Variants in COL18A1 observed in about 807,000 individuals in gnomAD.
COL18A1 encodes collagen alpha-1(XVIII) chain.
COL18A1 carries 133 observed loss-of-function variants against 168.0 expected under a neutral mutation model. That is an observed-to-expected ratio of 0.79 (90% CI 0.69 to 0.91). COL18A1 has a LOEUF of 0.91. Ranked by LOEUF, COL18A1 falls within the 40% of genes least tolerant of loss-of-function variation. The pLI is 0.00. For missense variants in COL18A1, 2,126 were observed against 1,925.4 expected (o/e 1.10, Z -1.95); for synonymous variants, 949 against 809.0 (o/e 1.17, Z -2.94).
At chr21:45,500,398 A>T in intron 32 of COL18A1, among the ~76,000 whole-genome samples, 1 of 70,462 alleles carries the variant, frequency 1.4e-5, no homozygotes, top group Non-Finnish European at 2.6e-5. Context: ...GAGTGTGTGT[A>T]TGTGGGTGTT....
At chr21:45,408,693 T>A (rs1341611371) in intron 2 of COL18A1, 1 of 151,304 alleles carries the variant, frequency 6.6e-6, no homozygotes, top group Middle Eastern at 3.5e-3. Flanking sequence ...TGCAGGCAGC[T>A]CGGAGAGAGG....
In COL18A1 at chr21:45,490,268, C is replaced by T. The variant is rs775953661; in HGVS notation, c.1960-7C>T. 12 of 1,577,452 alleles carry T rather than the reference C, an allele frequency of 7.6e-6. No individual in the cohort carries two copies. Among genetic ancestry groups the T allele is most frequent in the Non-Finnish European group, 9.5e-6 (11 of 1,162,392 alleles). ...AATGCCCTGCGTCCTCCATGTGACCCTTTCAGGGAGAAGTTGGAGCAGATG... is the reference window on the plus strand; with the variant it reads ...AATGCCCTGCGTCCTCCATGTGACCTTTTCAGGGAGAAGTTGGAGCAGATG... On this transcript the variant is annotated splice_polypyrimidine_tract_variant and splice_region_variant and intron_variant, in intron 19 of 41. Coordinates refer to ENST00000651438, the MANE Select transcript of COL18A1 (RefSeq NM_001379500.1).
At chr21:45,460,184 C>G (rs1028270645) in intron 2 of COL18A1, among the ~76,000 whole-genome samples, 5 of 152,242 alleles carry the variant, frequency 3.3e-5, no homozygotes, top group African/African-American at 9.6e-5. Flanking sequence ...GCAGCAGATG[C>G]AGGACAAGCA....
At chr21:45,464,556 A>G (rs1236285546) in intron 2 of COL18A1, among the ~76,000 whole-genome samples, 1 of 152,026 alleles carries the variant, frequency 6.6e-6, no homozygotes, top group African/African-American at 2.4e-5. Context: ...TTAAACCAAC[A>G]CAGCTGTCTT....
intron 17 of COL18A1, 59 bp downstream of exon 17, chr21:45,487,568 A>G (rs1568917904): frequency 1.3e-6 from 2 of 1,599,188 alleles, no homozygotes; most frequent in Non-Finnish European, 1.7e-6. Context: ...TGCCTGGGGC[A>G]GGAGAGTGTC....
At chr21:45,504,394 T>C (rs1568940436) in intron 33 of COL18A1, 22 bp from the exon 34 acceptor site, 3 of 1,608,548 alleles carry the variant, frequency 1.9e-6, no homozygotes, top group Non-Finnish European at 2.5e-6. Context: ...GGCTCCCGTG[T>C]AACAAGTGTT....
At chr21:45,511,525 A>T (rs1187148845) in intron 41 of COL18A1, among the ~76,000 whole-genome samples, 2 of 152,218 alleles carry the variant, frequency 1.3e-5, no homozygotes, top group East Asian at 3.9e-4. Flanking sequence ...GTGGTCAGCC[A>T]TGTAAGCAGC....
Position 45,505,251 on chromosome 21 carries a change from C to A in COL18A1, c.2986C>A (p.Pro996Thr), listed in dbSNP as rs1299085321. The change falls in exon 35 of 42, where the codon CCT (proline) becomes ACT (threonine). Residue 996 changes from proline (P) to threonine (T), a missense_variant. Transcript: ENST00000651438. ...CGGCCCCCCAGGCCCCCCAGGGCCCCCTTCATTTCCTGGCCCTCACAGGCA... is the reference window on the plus strand; with the variant it reads ...CGGCCCCCCAGGCCCCCCAGGGCCCACTTCATTTCCTGGCCCTCACAGGCA... The part of the protein sequence containing the change: ...PPGPPGPPGP[P>T]SFPGPHRQTI... 4.4e-6 allele frequency: 7 copies of A among 1,606,106 alleles called. No individual in the cohort carries two copies. Among genetic ancestry groups the A allele is most frequent in the Non-Finnish European group, 6.0e-6 (7 of 1,175,152 alleles).
Position 45,405,448 on chromosome 21 carries a change from G to T in COL18A1, c.81G>T (p.Gly27=). Residue 27 remains glycine, a synonymous_variant, in exon 2 of 42, where the codon GGG becomes GGT. Coordinates refer to ENST00000651438, the MANE Select transcript of COL18A1 (RefSeq NM_001379500.1). ...DVLAPLVLLL[G]VRAASAEPER... The stretch of plus-strand genomic sequence containing the variant: ...TCGCGCCCCTGGTCCTGCTGCTCGG[G>T]GTCCGCGCGGCCTCCGCGGAGCCAG... 2.2e-6 allele frequency: 3 copies of T among 1,381,404 alleles called. No homozygotes were observed. The highest frequency in any genetic ancestry group is 5.1e-5 in the Admixed American group (2 of 38,904). The allele number at this position is 1,381,404 out of a possible 1,614,324, so 85.6% of individuals were successfully genotyped here. A position where few individuals can be genotyped will look rare whatever the true frequency, so the allele number is the denominator to read the frequency against.
chr21:45,405,240 A>G lies in COL18A1; in HGVS notation c.10A>G (p.Arg4Gly), dbSNP rs1156421751. The G allele has an allele frequency of 5.6e-5, 6 of 106,710 alleles. No homozygotes were observed. Among genetic ancestry groups the G allele is most frequent in the Non-Finnish European group, 7.2e-5 (5 of 69,062 alleles). The allele number at this position is 106,710 out of a possible 1,614,324, so 6.6% of individuals were successfully genotyped here. A position where few individuals can be genotyped will look rare whatever the true frequency, so the allele number is the denominator to read the frequency against. ...CGGTCCTGGGGAGAGCATGGCGCCG[A>G]GGTGAGGCCGGGGCTGCGGGCAGGG... is the stretch of plus-strand genomic sequence containing the variant. The part of the protein sequence containing the change: MAP[R>G]CPWPWPRRRR... Residue 4 changes from arginine to glycine, a missense_variant and splice_region_variant, in exon 1 of 42, where the codon AGG (arginine) becomes GGG (glycine). Transcript: ENST00000651438.
chr21:45,491,361 C>G (rs767809109), intron 22 of COL18A1, 47 bp downstream of exon 22: 1 of 1,215,048 alleles, frequency 8.2e-7, no homozygotes, highest in Non-Finnish European at 1.2e-6. Flanking sequence ...AGACCCCCCA[C>G]GGGGTGCAGA....
intron 2 of COL18A1, among the ~76,000 whole-genome samples, chr21:45,432,454 G>A (rs2145786366): frequency 6.6e-6 from 1 of 152,350 alleles, no homozygotes; most frequent in Non-Finnish European, 1.5e-5. Flanking sequence ...GAGTGGGATG[G>A]ACTGGGGTGC....
chr21:45,468,294 C>T lies in COL18A1; in HGVS notation c.159C>T (p.Pro53=), dbSNP rs755932642. 6.2e-7 allele frequency: 1 copy of T among 1,613,296 alleles called. No individual in the cohort carries two copies. The highest frequency in any genetic ancestry group is 8.5e-7 in the Non-Finnish European group (1 of 1,180,036). ...TGCAGCTCCTTGGGGACCCCCCGCC[C>T]CAGCAGGTCACCCAGACGGATGACC... is the stretch of plus-strand genomic sequence containing the variant. ...GLLQLLGDPP[P]QQVTQTDDPD... The change falls in exon 3 of 42, where the codon CCC becomes CCT. Residue 53 remains proline (P), a synonymous_variant. Transcript: ENST00000651438.
rs149211568 is a variant in COL18A1 at position 45,463,553 on chromosome 21, A to G, written c.107-4689A>G. On this transcript the variant is annotated intron_variant, in intron 2 of 41. Transcript: ENST00000651438. This position sits in a 1 kb window ranked among gnomAD's most constrained non-coding sequence, Gnocchi z 4.0. ...GGATTCCTGGCGCTTTCCATCTGCC[A>G]TTTACCAGAGTACTCCAGAATCATT... 6.6e-5 allele frequency among the ~76,000 whole-genome samples: 10 copies of G among 152,312 alleles called. No homozygotes were observed. Among genetic ancestry groups the G allele is most frequent in the East Asian group, 3.9e-4 (2 of 5,194 alleles).
chr21:45,431,216 C>T (rs910831589), intron 2 of COL18A1, among the ~76,000 whole-genome samples: 3 of 152,174 alleles, frequency 2.0e-5, no homozygotes, highest in Admixed American at 6.5e-5. Context: ...CAGGGTGTCC[C>T]ACCCCTTCTG....
chr21:45,425,911 C>T lies in COL18A1; in HGVS notation c.106+20438C>T, dbSNP rs896141502. 6.6e-6 allele frequency among the ~76,000 whole-genome samples: 1 copy of T among 152,140 alleles called. No individual in the cohort carries two copies. The highest frequency in any genetic ancestry group is 1.5e-5 in the Non-Finnish European group (1 of 68,020). ...CGGCTGTCCTTCTTGCCCAAAGCAC[C>T]GTGAGGCCTCATCCCTGCATCCCTG... On this transcript the variant is annotated intron_variant, in intron 2 of 41. Transcript: ENST00000651438. This position sits in a 1 kb window ranked among gnomAD's most constrained non-coding sequence, Gnocchi z 4.1.
intron 9 of COL18A1, among the ~76,000 whole-genome samples, chr21:45,479,601 C>T (rs971208033): frequency 3.6e-5 from 5 of 140,736 alleles, no homozygotes; most frequent in African/African-American, 1.4e-4. Flanking sequence ...ACCATGCATA[C>T]CACACACACA....
Position 45,405,168 on chromosome 21 carries a change from C to A in COL18A1, c.-63C>A, listed in dbSNP as rs1338779647. On this transcript the variant is annotated 5_prime_UTR_variant, in exon 1 of 42. Coordinates refer to ENST00000651438, the MANE Select transcript of COL18A1 (RefSeq NM_001379500.1). Reference sequence around the variant, plus strand: ...GCGGCGGCGGCTGCAGCGCGGCGGTCCGAGCGGGTGCACCGCGGCGGAGGA... The same window carrying A: ...GCGGCGGCGGCTGCAGCGCGGCGGTACGAGCGGGTGCACCGCGGCGGAGGA... The A allele has an allele frequency of 6.8e-5, 21 of 310,078 alleles. No individual in the cohort carries two copies. Among genetic ancestry groups the A allele is most frequent in the African/African-American group, 3.3e-4 (15 of 45,078 alleles). 19.2% of individuals were successfully genotyped at this position (310,078 alleles called of 1,614,324 possible).
chr21:45,411,882 CTT>C (rs1254285945), intron 2 of COL18A1, among the ~76,000 whole-genome samples: 1 of 151,744 alleles, frequency 6.6e-6, no homozygotes, highest in Non-Finnish European at 1.5e-5. Flanking sequence ...TGGATCCTGT[CTT>C]TTAAAAACCT....
Sources: gnomAD v4.1 joint callset for allele counts (sites outside exome capture counted in the v4.1 genomes callset) on GRCh38, gnomAD v4.1.1 for gene constraint, Gnocchi (gnomAD v3.1) non-coding constraint, MANE v1.5 for transcripts, NCBI Gene and HGNC (gene_info 2026-07-23, HGNC 2026-07-21) for gene names.